Variants in MAGI2 observed in about 807,000 individuals in gnomAD.
The protein encoded by MAGI2 is membrane associated guanylate kinase, WW and PDZ domain containing 2.
Under a neutral mutation model 133.3 loss-of-function variants are expected in MAGI2, and 35 were observed. That is an observed-to-expected ratio of 0.26 (90% confidence interval 0.20 to 0.35). The LOEUF (loss-of-function observed/expected upper bound fraction) is 0.35, where lower values mean the gene tolerates loss of function less well. Ranked by LOEUF, MAGI2 falls within the 10% of genes least tolerant of loss-of-function variation. The pLI, the probability that MAGI2 is intolerant of heterozygous loss-of-function variation, is 1.00. For synonymous variants in MAGI2, 729 were observed against 710.6 expected (o/e 1.03, Z -0.41); for missense variants, 1,636 against 1,863.4 (o/e 0.88, Z 2.25).
chr7:78,684,497 T>A (rs572231407), intron 2 of MAGI2, among the ~76,000 whole-genome samples: 23 of 152,172 alleles, frequency 1.5e-4, no homozygotes, highest in African/African-American at 5.5e-4. Flanking sequence ...AAGGACTCTT[T>A]GGGAGCCACT....
chr7:78,659,541 G>GCTTGC (rs1288038198), intron 2 of MAGI2, among the ~76,000 whole-genome samples: 1 of 149,456 alleles, frequency 6.7e-6, no homozygotes, highest in Non-Finnish European at 1.5e-5. Context: ...AACCCCAAAA[G>GCTTGC]CTTGCCTACT....
At chr7:78,195,094 CT>C (rs751980739) in intron 11 of MAGI2, 31 bp from the exon 12 acceptor site, 21 of 1,530,260 alleles carry the variant, frequency 1.4e-5, no homozygotes, top group Non-Finnish European at 1.8e-6. Flanking sequence ...GAGAAAATGA[CT>C]GACAAATTCT....
At chr7:79,449,463 CAAGGAA>C (rs1849087283) in intron 1 of MAGI2, among the ~76,000 whole-genome samples, 1 of 150,948 alleles carries the variant, frequency 6.6e-6, no homozygotes. Flanking sequence ...AGCCATAGTG[CAAGGAA>C]TGTAGGCCAC....
At chr7:78,857,219 C>T (rs899025370) in intron 2 of MAGI2, among the ~76,000 whole-genome samples, 2 of 152,176 alleles carry the variant, frequency 1.3e-5, no homozygotes, top group Admixed American at 6.5e-5. Context: ...TTGACTCTGT[C>T]TTTTCCTAAT....
In MAGI2 at chr7:79,453,229, T is replaced by G; in HGVS notation, c.92A>C (p.Glu31Ala). ...GRNPEGQLGF[E>A]LKGGAENGQF... ...TCCATTCTCGGCGCCCCCCTTCAGTTCAAAGCCCAGCTGGCCCTCCGGGTT... is the reference window on the plus strand; with the variant it reads ...TCCATTCTCGGCGCCCCCCTTCAGTGCAAAGCCCAGCTGGCCCTCCGGGTT... Residue 31 changes from glutamate (E) to alanine (A), a missense_variant, in exon 1 of 22, where the codon GAA (glutamate) becomes GCA (alanine). By Grantham distance (107) the Glu-to-Ala change is moderately radical. This residue lies in a region of MAGI2 where 148 missense variants were observed against 239.0 expected (regional missense o/e 0.62). Transcript: ENST00000354212. The G allele has an allele frequency of 6.2e-7, 1 of 1,613,900 alleles. No individual in the cohort carries two copies. The highest frequency in any genetic ancestry group is 8.5e-7 in the Non-Finnish European group (1 of 1,180,036).
At chr7:78,897,542 C>G (rs1484152914) in intron 2 of MAGI2, among the ~76,000 whole-genome samples, 2 of 152,196 alleles carry the variant, frequency 1.3e-5, no homozygotes, top group Non-Finnish European at 2.9e-5. Context: ...ATTAAACACA[C>G]TATATTAAAA....
intron 2 of MAGI2, among the ~76,000 whole-genome samples, chr7:78,688,859 GAAGA>G (rs1355030238): frequency 6.6e-6 from 1 of 152,138 alleles, no homozygotes. Flanking sequence ...AAATAGAAAA[GAAGA>G]AATAATTATA....
rs1846120648 is a variant in MAGI2, at chr7:79,411,234, T to C, written c.301+41786A>G. ...CAGAATAATGGCTCCCAAAGACGTCTAGGTCTTAATCTCCAAAATTTGTGA... is the reference window on the plus strand; with the variant it reads ...CAGAATAATGGCTCCCAAAGACGTCCAGGTCTTAATCTCCAAAATTTGTGA... On this transcript the variant is annotated intron_variant, in intron 1 of 21. Coordinates refer to ENST00000354212, the MANE Select transcript of MAGI2 (RefSeq NM_012301.4). 3 of 146,030 alleles carry C rather than the reference T, an allele frequency of 2.1e-5. No individual in the cohort carries two copies. The South Asian group carries it at 6.8e-4, about 33-fold the overall frequency. The allele number at this position is 146,030 out of a possible 1,614,324, so 9.0% of individuals were successfully genotyped here.
At chr7:78,476,174 A>G (rs1791730343) in intron 6 of MAGI2, among the ~76,000 whole-genome samples, 1 of 151,972 alleles carries the variant, frequency 6.6e-6, no homozygotes, top group African/African-American at 2.4e-5. Context: ...TTGCAGATAA[A>G]TTGCATTAAA....
chr7:79,075,268 A>G (rs963680665), intron 1 of MAGI2, among the ~76,000 whole-genome samples: 1 of 152,154 alleles, frequency 6.6e-6, no homozygotes, highest in Non-Finnish European at 1.5e-5. Context: ...TGAAATTTCC[A>G]TGAATGCCTT....
chr7:78,717,368 G>A (rs1464336162), intron 2 of MAGI2, among the ~76,000 whole-genome samples: 1 of 152,062 alleles, frequency 6.6e-6, no homozygotes, highest in African/African-American at 2.4e-5. Context: ...TGCAACATCT[G>A]GGAGAAGAAA....
intron 4 of MAGI2, chr7:78,518,314 G>A (rs550254029): frequency 9.9e-5 from 15 of 152,238 alleles, no homozygotes; most frequent in African/African-American, 3.1e-4. Context: ...ATTTATGCTT[G>A]TATTTGGTTA....
intron 1 of MAGI2, among the ~76,000 whole-genome samples, chr7:79,215,128 C>T (rs1005160254): frequency 6.6e-6 from 1 of 151,724 alleles, no homozygotes; most frequent in African/African-American, 2.4e-5. Flanking sequence ...AGATATGCCT[C>T]ATTATACCCA....
chr7:78,272,747 C>T (rs1044851550), intron 9 of MAGI2, among the ~76,000 whole-genome samples: 6 of 151,908 alleles, frequency 3.9e-5, no homozygotes, highest in South Asian at 4.2e-4. Flanking sequence ...GTTTTATCAG[C>T]GACTAGGATT....
At chr7:78,579,495 G>T (rs977034532) in intron 3 of MAGI2, among the ~76,000 whole-genome samples, 3 of 152,140 alleles carry the variant, frequency 2.0e-5, no homozygotes, top group Non-Finnish European at 4.4e-5. Context: ...TTCTACCAGG[G>T]AGAACAAAGA....
chr7:78,427,147 CA>C (rs1799356962), intron 6 of MAGI2, among the ~76,000 whole-genome samples: 1 of 151,690 alleles, frequency 6.6e-6, no homozygotes, highest in East Asian at 1.9e-4. Context: ...AAGAGGAATT[CA>C]AATTCAAGAG....
intron 2 of MAGI2, among the ~76,000 whole-genome samples, chr7:78,645,384 T>C (rs1471621740): frequency 6.6e-6 from 1 of 152,136 alleles, no homozygotes; most frequent in African/African-American, 2.4e-5. Flanking sequence ...ATATTCCTCA[T>C]GAACATACAT....
At chr7:78,977,965 A>G (rs1804441920) in intron 2 of MAGI2, among the ~76,000 whole-genome samples, 1 of 151,858 alleles carries the variant, frequency 6.6e-6, no homozygotes, top group Non-Finnish European at 1.5e-5. Flanking sequence ...AATTAAAACA[A>G]CAATGAGGTA....
chr7:78,768,769 T>G (rs1216531715), intron 2 of MAGI2, among the ~76,000 whole-genome samples: 1 of 152,226 alleles, frequency 6.6e-6, no homozygotes, highest in African/African-American at 2.4e-5. Flanking sequence ...TATTATTTTT[T>G]TCTGCACAAT....
Sources: allele counts gnomAD v4.1 joint callset (sites outside exome capture counted in the v4.1 genomes callset), GRCh38; gene constraint gnomAD v4.1.1; regional missense constraint gnomAD v4.1.1; transcripts MANE v1.5; gene names NCBI Gene and HGNC (gene_info 2026-07-23, HGNC 2026-07-21).